Variants in ABCC1 observed in about 807,000 individuals in gnomAD.
ABCC1 encodes the protein multidrug resistance-associated protein 1.
Under a neutral mutation model 172.9 loss-of-function variants are expected in ABCC1, and 83 were observed. That is an observed-to-expected ratio of 0.48 (90% CI 0.40 to 0.58). The LOEUF is 0.58. Among genes scored for constraint, ABCC1 ranks in the 20% least tolerant of loss-of-function variants. The pLI, the probability that ABCC1 is intolerant of heterozygous loss-of-function variation, is 0.00. For missense variants in ABCC1, 1,817 were observed against 2,002.7 expected (o/e 0.91, Z 1.77); for synonymous variants, 937 against 825.2 (o/e 1.14, Z -2.32).
chr16:15,967,565 A>AC (rs1299786103), intron 1 of ABCC1, among the ~76,000 whole-genome samples: 1 of 150,332 alleles, frequency 6.7e-6, no homozygotes, highest in Admixed American at 6.7e-5. Flanking sequence ...CAACAGAAAG[A>AC]CCCCATCTCT....
At chr16:15,962,181 C>T (rs1196992309) in intron 1 of ABCC1, among the ~76,000 whole-genome samples, 1 of 152,160 alleles carries the variant, frequency 6.6e-6, no homozygotes, top group Admixed American at 6.6e-5. Context: ...TAAGTTAAAC[C>T]TTACTTTCCA....
chr16:16,102,210 ACTT>A (rs149396350), intron 19 of ABCC1, among the ~76,000 whole-genome samples: 16,685 of 151,966 alleles, frequency 0.11, 948 homozygotes, highest in East Asian at 0.22. Context: ...TTTGAATATC[ACTT>A]CTTCTTTCAA....
Position 15,977,634 on chromosome 16 carries a change from C to G in ABCC1, c.48+27835C>G, listed in dbSNP as rs1442445713. ...GGCAAATCTTAGCACCTTGGCCCTTCGAGATGGAGGTCTGTGTTGCCTAGG... is the reference window on the plus strand; with the variant it reads ...GGCAAATCTTAGCACCTTGGCCCTTGGAGATGGAGGTCTGTGTTGCCTAGG... On this transcript the variant is annotated intron_variant, in intron 1 of 30. Transcript: ENST00000399410. Among the ~76,000 whole-genome samples, 5 of 152,050 alleles carry G rather than the reference C, an allele frequency of 3.3e-5. No individual in the cohort carries two copies. The East Asian group carries it at 9.7e-4, about 29-fold the overall frequency.
At chr16:15,949,368 C>A (rs1444742098), upstream of ABCC1, among the ~76,000 whole-genome samples, 1 of 151,788 alleles carries the variant, frequency 6.6e-6, no homozygotes, top group Non-Finnish European at 1.5e-5. Context: ...CAGGCGCTTC[C>A]GGAAGGCGAG....
intron 5 of ABCC1, among the ~76,000 whole-genome samples, chr16:16,020,744 G>A (rs780574907): frequency 4.6e-5 from 7 of 152,154 alleles, no homozygotes; most frequent in Admixed American, 6.5e-5. Context: ...AGGCAAGGAC[G>A]GGAATCGACA....
intron 1 of ABCC1, among the ~76,000 whole-genome samples, chr16:15,978,360 C>A (rs2046539139): frequency 6.6e-6 from 1 of 151,770 alleles, no homozygotes; most frequent in Non-Finnish European, 1.5e-5. Flanking sequence ...AGAGTGAAAC[C>A]CCATCTCAAA....
intron 16 of ABCC1, among the ~76,000 whole-genome samples, chr16:16,082,117 G>A (rs1596472976): frequency 2.0e-5 from 3 of 152,254 alleles, no homozygotes; most frequent in Admixed American, 6.5e-5. Flanking sequence ...TCTGCCAGTC[G>A]TTCCCTCACA....
chr16:16,003,151 G>T (rs976872126), intron 1 of ABCC1, among the ~76,000 whole-genome samples: 1 of 152,092 alleles, frequency 6.6e-6, no homozygotes, highest in Non-Finnish European at 1.5e-5. Flanking sequence ...TGAACTGTTG[G>T]GTGGGTAGAT....
chr16:16,029,440 C>T (rs577007783), intron 5 of ABCC1, among the ~76,000 whole-genome samples: 10 of 152,218 alleles, frequency 6.6e-5, no homozygotes, highest in Non-Finnish European at 1.0e-4. Context: ...CCAGACTGGT[C>T]TCGAACTCCT....
intron 26 of ABCC1, among the ~76,000 whole-genome samples, chr16:16,127,805 G>A (rs1194614783): frequency 6.6e-6 from 1 of 152,198 alleles, no homozygotes; most frequent in South Asian, 2.1e-4. Context: ...CATGTCACGG[G>A]TGAGCATTGT....
At position 16,093,508 on chromosome 16, in the gene ABCC1, C is replaced by T. The variant is rs79704618; in HGVS notation, c.2644+2920C>T. Among the ~76,000 whole-genome samples the T allele has an allele frequency of 5.4e-3, 821 of 152,260 alleles. 13 individuals are homozygous for T. Among genetic ancestry groups the T allele is most frequent in the African/African-American group, 0.019 (784 of 41,560 alleles). On this transcript the variant is annotated intron_variant, in intron 19 of 30. Transcript: ENST00000399410. ...TGGTGATGCAAATGCCGCCCACCACCCTGGCACCTCGTGCGTTCATTTTCC... is the reference window on the plus strand; with the variant it reads ...TGGTGATGCAAATGCCGCCCACCACTCTGGCACCTCGTGCGTTCATTTTCC...
At chr16:16,113,456 A>G (rs190160829) in intron 22 of ABCC1, among the ~76,000 whole-genome samples, 395 of 152,298 alleles carry the variant, frequency 2.6e-3, no homozygotes, top group African/African-American at 8.9e-3. Context: ...GGGGTTCAAG[A>G]CCAGCCTGGG....
chr16:16,125,739 G>A (rs144694139), intron 25 of ABCC1, 71 bp from the exon 26 acceptor site: 30 of 863,656 alleles, frequency 3.5e-5, no homozygotes, highest in African/African-American at 7.0e-5. Flanking sequence ...TATCTCAGTG[G>A]AAAAAAAGAA....
At chr16:16,040,047 G>GT (rs1016776187) in intron 7 of ABCC1, among the ~76,000 whole-genome samples, 1 of 148,196 alleles carries the variant, frequency 6.7e-6, no homozygotes, top group African/African-American at 2.5e-5. Flanking sequence ...CGTGAGTTCT[G>GT]TTGTTTGTTT....
rs1596537659 is a variant in ABCC1 at position 16,122,630 on chromosome 16, C to G, written c.3590+456C>G. The stretch of plus-strand genomic sequence containing the variant: ...ATGTCATGGCTCACGCCTGTAATCC[C>G]AGTACTTTGGGAGGCTGAGGCAGGA... On this transcript the variant is annotated intron_variant, in intron 24 of 30. Transcript: ENST00000399410. Among the ~76,000 whole-genome samples the G allele has an allele frequency of 2.0e-5, 3 of 151,284 alleles. No individual in the cohort carries two copies. The East Asian group carries it at 5.8e-4, about 29-fold the overall frequency.
At chr16:16,109,761 G>A (rs2052306150) in intron 21 of ABCC1, among the ~76,000 whole-genome samples, 1 of 152,204 alleles carries the variant, frequency 6.6e-6, no homozygotes, top group Non-Finnish European at 1.5e-5. Flanking sequence ...TGTGCTCAGA[G>A]TGAAAAGAGT....
rs566045872 is a variant in ABCC1 at position 16,106,077 on chromosome 16, G to A, written c.2736-661G>A. Among the ~76,000 whole-genome samples the A allele has an allele frequency of 2.0e-5, 3 of 151,900 alleles. No individual in the cohort carries two copies. The South Asian group carries it at 6.2e-4, about 31-fold the overall frequency. On this transcript the variant is annotated intron_variant, in intron 20 of 30. Coordinates refer to ENST00000399410, the MANE Select transcript of ABCC1 (RefSeq NM_004996.4). The stretch of plus-strand genomic sequence containing the variant: ...TTTTTAGTAGAGACGGGGTTTCACC[G>A]TGTTGGCCAGGCTAGTCTTGAACTC...
chr16:15,994,064 C>A (rs1039587100), intron 1 of ABCC1, among the ~76,000 whole-genome samples: 1 of 152,092 alleles, frequency 6.6e-6, no homozygotes, highest in Non-Finnish European at 1.5e-5. Context: ...ACAAAAGATA[C>A]AAAAATTAGC....
intron 7 of ABCC1, among the ~76,000 whole-genome samples, chr16:16,037,746 C>T (rs2048812887): frequency 6.6e-6 from 1 of 152,180 alleles, no homozygotes; most frequent in East Asian, 1.9e-4. Context: ...GTTCCTCATT[C>T]TATTCCGGGG....
Sources: allele counts gnomAD v4.1 joint callset (sites outside exome capture counted in the v4.1 genomes callset), GRCh38; gene constraint gnomAD v4.1.1; transcripts MANE v1.5; gene names NCBI Gene and HGNC (gene_info 2026-07-23, HGNC 2026-07-21).